The following ATP10B variants were observed in gnomAD, a reference collection of about 807,000 sequenced individuals.
The protein encoded by ATP10B is ATPase phospholipid transporting 10B (putative), also known as phospholipid-transporting ATPase VB.
Under a neutral mutation model 141.2 loss-of-function variants are expected in ATP10B, and 122 were observed. The ratio of observed to expected loss-of-function variants is 0.86; its 90% CI spans 0.75 to 1.00. The LOEUF (loss-of-function observed/expected upper bound fraction) is 1.00. Ranked by LOEUF, ATP10B falls within the 50% of genes least tolerant of loss-of-function variation. ATP10B has a pLI of 0.00. For synonymous variants in ATP10B, 685 were observed against 692.0 expected (o/e 0.99, Z 0.16); for missense variants, 1,876 against 1,825.3 (o/e 1.03, Z -0.51).
At chr5:160,806,134 C>G (rs755577013) in intron 1 of ATP10B, among the ~76,000 whole-genome samples, 5 of 152,238 alleles carry the variant, frequency 3.3e-5, no homozygotes, top group Non-Finnish European at 5.9e-5. Flanking sequence ...CTGCTTTACT[C>G]TGTCCACCAG....
intron 2 of ATP10B, among the ~76,000 whole-genome samples, chr5:160,762,855 A>G (rs1326764911): frequency 6.6e-6 from 1 of 152,180 alleles, no homozygotes; most frequent in African/African-American, 2.4e-5. Flanking sequence ...AACTTAAGAT[A>G]AAGGGATGGA....
At position 160,686,226 on chromosome 5, in the gene ATP10B, G is replaced by A; in HGVS notation, c.323C>T (p.Pro108Leu). The change falls in exon 6 of 26, where the codon CCC becomes CTC. Residue 108 changes from proline to leucine, a missense_variant. Pro to Leu is a moderately conservative substitution (Grantham distance 98). Coordinates refer to ENST00000327245, the MANE Select transcript of ATP10B (RefSeq NM_025153.3). ...FLFLVILNWMPSMEVFHREIT... is the reference protein window; with the variant it reads ...FLFLVILNWMLSMEVFHREIT... ...TTCTCTGTGGAAGACTTCCATGGAG[G>A]GCATCCAGTTCAAAATCACCAGGAA... 2 of 1,609,360 alleles carry A rather than the reference G, an allele frequency of 1.2e-6. No individual in the cohort carries two copies. The highest frequency in any genetic ancestry group is 8.5e-7 in the Non-Finnish European group (1 of 1,177,032).
intron 2 of ATP10B, among the ~76,000 whole-genome samples, chr5:160,740,434 AC>A (rs529173841): frequency 6.4e-4 from 97 of 152,274 alleles, no homozygotes; most frequent in African/African-American, 2.3e-3. Flanking sequence ...ATTTTGGACC[AC>A]TGAAATTGTC....
At chr5:160,923,201 C>T in the ATP10B span, among the ~76,000 whole-genome samples, 1 of 152,120 alleles carries the variant, frequency 6.6e-6, no homozygotes, top group Non-Finnish European at 1.5e-5. Context: ...AACATGTCCT[C>T]AGTATTAGCT....
Position 160,568,983 on chromosome 5 carries a change from T to A in ATP10B, c.3938+513A>T, listed in dbSNP as rs1048236313. ...TAGTATTTAAACACTGGCAATTTCA[T>A]GCACAATTTGAATTTCTGGGAAAAT... is the stretch of plus-strand genomic sequence containing the variant. On this transcript the variant is annotated intron_variant, in intron 25 of 25. Coordinates refer to ENST00000327245, the MANE Select transcript of ATP10B (RefSeq NM_025153.3). 1.1e-4 allele frequency among the ~76,000 whole-genome samples: 16 copies of A among 152,330 alleles called. 2 individuals carry two copies. The highest frequency in any genetic ancestry group is 9.8e-4 in the Admixed American group (15 of 15,296).
rs368181743 is a variant in ATP10B at position 160,622,408 on chromosome 5, C to A, written c.1798G>T (p.Glu600Ter). 6.2e-7 allele frequency: 1 copy of A among 1,612,944 alleles called. No homozygotes were observed. The highest frequency in any genetic ancestry group is 8.5e-7 in the Non-Finnish European group (1 of 1,179,682). Residue 600 changes from glutamate to a stop codon, truncating the protein, a stop_gained, in exon 14 of 26, where the codon GAG becomes TAG. Transcript: ENST00000327245. LOFTEE classifies it high-confidence loss of function. ...CTGGTCCTTACCCTCTGCCTGGGCT[C>A]GGTGGTTGTGGACACCATGACAGAG... is the stretch of plus-strand genomic sequence containing the variant. ...CNSVMVSTTT[E>*]PRQRVTIKPS...
chr5:160,585,946 C>T (rs1478661871), intron 24 of ATP10B, among the ~76,000 whole-genome samples: 1 of 152,166 alleles, frequency 6.6e-6, no homozygotes, highest in Non-Finnish European at 1.5e-5. Context: ...CATTGGTACA[C>T]ATTGGAGCAG....
chr5:160,648,188 T>C (rs1760432012), intron 8 of ATP10B, among the ~76,000 whole-genome samples: 1 of 152,218 alleles, frequency 6.6e-6, no homozygotes, highest in African/African-American at 2.4e-5. Context: ...AGATTACACA[T>C]GACAATGTTC....
At chr5:160,707,481 A>G (rs1441341163) in intron 3 of ATP10B, among the ~76,000 whole-genome samples, 2 of 152,240 alleles carry the variant, frequency 1.3e-5, no homozygotes, top group African/African-American at 4.8e-5. Context: ...TATAAAACTC[A>G]TTAAATTGCA....
At chr5:160,810,141 T>C (rs1482128558) in intron 1 of ATP10B, among the ~76,000 whole-genome samples, 1 of 152,122 alleles carries the variant, frequency 6.6e-6, no homozygotes, top group Non-Finnish European at 1.5e-5. Flanking sequence ...TTACCTTTTA[T>C]TTTTTCCTCT....
At chr5:160,653,058 A>C (rs1761010077) in intron 7 of ATP10B, among the ~76,000 whole-genome samples, 2 of 117,568 alleles carry the variant, frequency 1.7e-5, no homozygotes, top group African/African-American at 3.2e-5. Context: ...ATAATTATGT[A>C]TATATTTATG....
chr5:160,861,783 A>T, the ATP10B span, among the ~76,000 whole-genome samples: 5 of 151,830 alleles, frequency 3.3e-5, no homozygotes, highest in African/African-American at 1.2e-4. Flanking sequence ...ATTATTTAGG[A>T]CCTAAATGAG....
the ATP10B span, among the ~76,000 whole-genome samples, chr5:160,887,855 A>G: frequency 6.6e-6 from 1 of 151,956 alleles, no homozygotes; most frequent in African/African-American, 2.4e-5. Flanking sequence ...ACCCTCTGGC[A>G]CTCCCAGCTT....
intron 7 of ATP10B, among the ~76,000 whole-genome samples, chr5:160,652,430 C>CTTAT (rs70990738): frequency 0.019 from 2,514 of 129,690 alleles, 90 homozygotes; most frequent in African/African-American, 0.047. Flanking sequence ...TGTCAGGGTT[C>CTTAT]TTATTTATTT....
At chr5:160,652,943 A>G (rs1760964090) in intron 7 of ATP10B, among the ~76,000 whole-genome samples, 1 of 82,890 alleles carries the variant, frequency 1.2e-5, no homozygotes, top group Admixed American at 1.8e-4. Context: ...ATACATGTAT[A>G]TATAATATAT....
chr5:160,794,950 G>A (rs1017719333), intron 1 of ATP10B, among the ~76,000 whole-genome samples: 1 of 152,204 alleles, frequency 6.6e-6, no homozygotes, highest in East Asian at 1.9e-4. Flanking sequence ...TGCAAGAAAT[G>A]CATTTGTCTC....
chr5:160,897,247 C>T, the ATP10B span, among the ~76,000 whole-genome samples: 1 of 152,190 alleles, frequency 6.6e-6, no homozygotes, highest in Non-Finnish European at 1.5e-5. Flanking sequence ...GAGAGGGAGT[C>T]AAATTGTCTC....
intron 1 of ATP10B, among the ~76,000 whole-genome samples, chr5:160,833,913 T>C (rs1775264201): frequency 6.6e-6 from 1 of 152,162 alleles, no homozygotes; most frequent in South Asian, 2.1e-4. Flanking sequence ...ACCTCAACTT[T>C]ATGGGAAAAC....
chr5:160,595,836 A>G (rs1237529288), intron 22 of ATP10B, among the ~76,000 whole-genome samples: 1 of 151,238 alleles, frequency 6.6e-6, no homozygotes, highest in African/African-American at 2.4e-5. Flanking sequence ...CCCAATACTA[A>G]ACCAGGAAGA....
Sources: gnomAD v4.1 joint callset for allele counts (sites outside exome capture counted in the v4.1 genomes callset) on GRCh38, gnomAD v4.1.1 for gene constraint, MANE v1.5 for transcripts, NCBI Gene and HGNC (gene_info 2026-07-23, HGNC 2026-07-21) for gene names.